Variants in TRPM1 observed in about 807,000 individuals in gnomAD.
The protein encoded by TRPM1 is transient receptor potential cation channel subfamily M member 1, also known as TRPM1-203 APA Isoform, Intron 10.
TRPM1 carries 113 observed loss-of-function variants against 149.4 expected under a neutral mutation model. That is an observed-to-expected ratio of 0.76 (90% confidence interval 0.65 to 0.88). The LOEUF (loss-of-function observed/expected upper bound fraction) is 0.88, where lower values mean the gene tolerates loss of function less well. Ranked by LOEUF, TRPM1 falls within the 40% of genes least tolerant of loss-of-function variation. The pLI is 0.00. For synonymous variants in TRPM1, 741 were observed against 759.5 expected, an observed-to-expected ratio of 0.98 and a Z score of 0.40; for missense variants, 1,976 against 2,038.7, an observed-to-expected ratio of 0.97 and a Z score of 0.59.
intron 3 of TRPM1, among the ~76,000 whole-genome samples, chr15:31,076,491 A>G (rs2034696947): frequency 6.6e-6 from 1 of 152,232 alleles, no homozygotes; most frequent in African/African-American, 2.4e-5. Flanking sequence ...TACAAGCCAA[A>G]TCCTTTAATA....
rs542602156 is a variant in TRPM1 at position 31,128,885 on chromosome 15, T to C, written c.54+32021A>G. ...TATTTTGCATAGAACTCAGCAAATTTTGTAGCTAATTCAGATGAAAGCCCC... is the reference window on the plus strand; with the variant it reads ...TATTTTGCATAGAACTCAGCAAATTCTGTAGCTAATTCAGATGAAAGCCCC... On this transcript the variant is annotated intron_variant, in intron 1 of 26. Coordinates refer to the TRPM1 transcript ENST00000542188. Among the ~76,000 whole-genome samples the C allele has an allele frequency of 2.0e-4, 30 of 152,364 alleles. 2 individuals carry two copies. The South Asian group carries it at 6.2e-3, about 32-fold the overall frequency.
exon 1 of TRPM1, chr15:31,161,010 G>T: frequency 1.3e-6 from 2 of 1,523,236 alleles, no homozygotes; most frequent in Non-Finnish European, 1.8e-6. Flanking sequence ...GGGTGGCCAG[G>T]CCAGTGGCAC....
At chr15:31,078,879 T>C (rs1567039235) in intron 2 of TRPM1, among the ~76,000 whole-genome samples, 2 of 152,214 alleles carry the variant, frequency 1.3e-5, no homozygotes, top group African/African-American at 2.4e-5. Flanking sequence ...TAAACAAAGA[T>C]TGAACTCCCA....
chr15:31,119,436 A>T (rs1222792552), intron 1 of TRPM1, among the ~76,000 whole-genome samples: 1 of 152,120 alleles, frequency 6.6e-6, no homozygotes, highest in Non-Finnish European at 1.5e-5. Flanking sequence ...TGAAAAAGAG[A>T]TAAAGATATT....
intron 14 of TRPM1, among the ~76,000 whole-genome samples, chr15:31,047,645 C>T (rs988158326): frequency 1.3e-5 from 2 of 152,322 alleles, no homozygotes; most frequent in East Asian, 1.9e-4. Flanking sequence ...CCTGGCCTGG[C>T]GCTGGCGTCA....
Position 31,060,528 on chromosome 15 carries a change from A to T in TRPM1, c.1263+16T>A. Reference sequence around the variant, plus strand: ...AGTCAAGATCAATGATATGAATCGAAAAAAAACAGTTTCACCGGCCAGTGG... The same window carrying T: ...AGTCAAGATCAATGATATGAATCGATAAAAAACAGTTTCACCGGCCAGTGG... On this transcript the variant is annotated intron_variant, in intron 11 of 27. Transcript: ENST00000256552. The T allele has an allele frequency of 1.9e-6, 3 of 1,610,908 alleles. No homozygotes were observed. The highest frequency in any genetic ancestry group is 2.2e-5 in the East Asian group (1 of 44,880).
chr15:31,089,126 T>G (rs1014670150), intron 1 of TRPM1, among the ~76,000 whole-genome samples: 3 of 152,172 alleles, frequency 2.0e-5, no homozygotes, highest in Non-Finnish European at 4.4e-5. Flanking sequence ...ATGAATACAG[T>G]GTGGAAACTG....
At chr15:31,028,681 G>A (rs1316283811) in intron 24 of TRPM1, among the ~76,000 whole-genome samples, 1 of 151,768 alleles carries the variant, frequency 6.6e-6, no homozygotes, top group African/African-American at 2.4e-5. Context: ...GAACCCGGGA[G>A]GCAGAGCTTG....
At chr15:31,139,146 G>A (rs1320790089) in intron 1 of TRPM1, among the ~76,000 whole-genome samples, 1 of 152,176 alleles carries the variant, frequency 6.6e-6, no homozygotes, top group African/African-American at 2.4e-5. Context: ...CCACTTTTGA[G>A]AATATTTGCA....
chr15:31,098,457 G>A (rs1441831591), intron 1 of TRPM1, among the ~76,000 whole-genome samples: 1 of 152,074 alleles, frequency 6.6e-6, no homozygotes. Context: ...AATAATACAC[G>A]TCAAACACTA....
chr15:31,088,462 T>G, intron 1 of TRPM1, among the ~76,000 whole-genome samples: 1 of 152,294 alleles, frequency 6.6e-6, no homozygotes, highest in East Asian at 1.9e-4. Context: ...GGTATGTGGC[T>G]TCACTCCTGA....
chr15:31,112,813 G>A (rs6493463), intron 1 of TRPM1, among the ~76,000 whole-genome samples: 61,466 of 152,096 alleles, frequency 0.4, 13,110 homozygotes, highest in East Asian at 0.73. Context: ...ATGCATATTA[G>A]GATATTAAAA....
intron 23 of TRPM1, among the ~76,000 whole-genome samples, chr15:31,030,455 A>G (rs2033014512): frequency 6.6e-6 from 1 of 152,210 alleles, no homozygotes; most frequent in African/African-American, 2.4e-5. Flanking sequence ...TTCCCCAGAA[A>G]TCTGTGCAGG....
intron 27 of TRPM1, among the ~76,000 whole-genome samples, chr15:31,025,789 G>A (rs28583849): frequency 0.31 from 46,879 of 152,160 alleles, 8,543 homozygotes; most frequent in African/African-American, 0.51. Flanking sequence ...GGAGGACCAT[G>A]CTCGCAAAGG....
At chr15:31,103,755 G>T (rs2035559329), upstream of TRPM1, among the ~76,000 whole-genome samples, 2 of 147,756 alleles carry the variant, frequency 1.4e-5, no homozygotes, top group Admixed American at 1.4e-4. Context: ...GGAAGTTGCA[G>T]TGAGCTGAGA....
chr15:31,031,084 A>G lies in TRPM1; in HGVS notation c.3026T>C (p.Ile1009Thr), dbSNP rs1174351197. The G allele has an allele frequency of 1.2e-6, 2 of 1,614,182 alleles. No homozygotes were observed. Among genetic ancestry groups the G allele is most frequent in the Admixed American group, 3.3e-5 (2 of 60,028 alleles). The change falls in exon 23 of 28, where the codon ATT becomes ACT. Residue 1009 changes from isoleucine (I) to threonine (T), a missense_variant. Physicochemically the swap from Ile to Thr is moderately conservative, Grantham distance 89 (BLOSUM62 -1). Transcript: ENST00000256552. ...LMSFGVARQAILHPEEKPSWK... is the reference protein window; with the variant it reads ...LMSFGVARQATLHPEEKPSWK... The stretch of plus-strand genomic sequence containing the variant: ...AGAGGGCTTCTCCTCTGGATGCAGA[A>G]TGGCTTGACGGGCTACTCCGAAACT...
chr15:31,088,013 T>A (rs1465052933), intron 1 of TRPM1, among the ~76,000 whole-genome samples: 1 of 152,230 alleles, frequency 6.6e-6, no homozygotes, highest in Non-Finnish European at 1.5e-5. Context: ...TTAAAACAAC[T>A]TTTTAAGAAA....
intron 1 of TRPM1, among the ~76,000 whole-genome samples, chr15:31,083,812 G>C (rs1376874133): frequency 1.3e-5 from 2 of 152,174 alleles, no homozygotes; most frequent in Non-Finnish European, 2.9e-5. Context: ...AGCACAGGTA[G>C]GAGGGCCCAG....
chr15:31,070,607 T>C (rs559828448), intron 3 of TRPM1: 3 of 415,756 alleles, frequency 7.2e-6, no homozygotes, highest in South Asian at 5.6e-5. Context: ...GGTTGGAGTG[T>C]AGTGGCGCTA....
Sources: gnomAD v4.1 joint callset for allele counts (sites outside exome capture counted in the v4.1 genomes callset) on GRCh38, gnomAD v4.1.1 for gene constraint, MANE v1.5 for transcripts, NCBI Gene and HGNC (gene_info 2026-07-23, HGNC 2026-07-21) for gene names.